BTG3: variants seen among roughly 807,000 people sequenced by gnomAD.
BTG3 encodes protein BTG3.
A neutral mutation model predicts 25.8 loss-of-function variants in BTG3; 4 were observed. That is an observed-to-expected ratio of 0.16 (90% CI 0.08 to 0.36). The LOEUF is 0.36. Ranked by LOEUF, BTG3 falls within the 10% of genes least tolerant of loss-of-function variation. BTG3 has a pLI of 1.00. For missense variants in BTG3, 201 were observed against 304.9 expected (o/e 0.66, Z 2.54); for synonymous variants, 107 against 99.9 (o/e 1.07, Z -0.42).
intron 3 of BTG3, among the ~76,000 whole-genome samples, chr21:17,604,454 A>G (rs2061613370): frequency 6.6e-6 from 1 of 152,188 alleles, no homozygotes; most frequent in African/African-American, 2.4e-5. Flanking sequence ...CCAAAAAAAA[A>G]GAGGAGAGAG....
At chr21:17,595,720 A>G (rs1462351292) in intron 4 of BTG3, among the ~76,000 whole-genome samples, 1 of 151,988 alleles carries the variant, frequency 6.6e-6, no homozygotes, top group Non-Finnish European at 1.5e-5. Context: ...GAACAAAACA[A>G]TGCTGCAATG....
At chr21:17,596,799 T>C (rs753943707) in intron 4 of BTG3, among the ~76,000 whole-genome samples, 1 of 152,260 alleles carries the variant, frequency 6.6e-6, no homozygotes. Context: ...TCATTGATAC[T>C]GAATTGGATC....
chr21:17,598,950 G>C, intron 3 of BTG3, 126 bp from the exon 4 acceptor site: 1 of 721,904 alleles, frequency 1.4e-6, no homozygotes, highest in Non-Finnish European at 2.2e-6. Context: ...CACAGAACTT[G>C]ACCCTACACA....
chr21:17,611,972 T>C, intron 1 of BTG3: 1 of 152,264 alleles, frequency 6.6e-6, no homozygotes, highest in Non-Finnish European at 1.5e-5. Flanking sequence ...CGGCCCGACC[T>C]CAGCGGCGCC....
At chr21:17,611,425 C>T (rs1198704035) in intron 1 of BTG3, among the ~76,000 whole-genome samples, 1 of 152,182 alleles carries the variant, frequency 6.6e-6, no homozygotes, top group Non-Finnish European at 1.5e-5. Flanking sequence ...AAGGAAAGAA[C>T]CACTTAGTGG....
intron 1 of BTG3, among the ~76,000 whole-genome samples, chr21:17,609,902 A>G (rs982867655): frequency 6.6e-6 from 1 of 152,256 alleles, no homozygotes; most frequent in African/African-American, 2.4e-5. Flanking sequence ...AGTATTCATA[A>G]TAGCTAAAAA....
At chr21:17,605,091 T>A in intron 2 of BTG3, 94 bp from the exon 3 acceptor site, 1 of 1,375,258 alleles carries the variant, frequency 7.3e-7, no homozygotes, top group Non-Finnish European at 9.8e-7. Flanking sequence ...AGTAATAAAA[T>A]AGTAATAAAA....
chr21:17,595,314 AATT>A (rs1428231461), intron 4 of BTG3, among the ~76,000 whole-genome samples: 4 of 152,030 alleles, frequency 2.6e-5, no homozygotes, highest in Non-Finnish European at 5.9e-5. Context: ...TTTTTAAAAA[AATT>A]ATATTGTGTA....
chr21:17,602,122 ACT>A (rs774320186), intron 3 of BTG3, among the ~76,000 whole-genome samples: 11 of 151,840 alleles, frequency 7.2e-5, no homozygotes, highest in Non-Finnish European at 1.0e-4. Flanking sequence ...AGTATTTAAC[ACT>A]CTATTGGGGG....
At chr21:17,607,787 C>A (rs922755983) in intron 2 of BTG3, among the ~76,000 whole-genome samples, 3 of 152,168 alleles carry the variant, frequency 2.0e-5, no homozygotes, top group African/African-American at 7.2e-5. Flanking sequence ...TTTTATTTCT[C>A]GTGGCCACAT....
chr21:17,606,478 T>C (rs889299803), intron 2 of BTG3, among the ~76,000 whole-genome samples: 1 of 152,188 alleles, frequency 6.6e-6, no homozygotes, highest in African/African-American at 2.4e-5. Flanking sequence ...TAGATTCTAA[T>C]ATTGTATAGG....
At chr21:17,608,038 A>C (rs2061668059) in intron 2 of BTG3, among the ~76,000 whole-genome samples, 1 of 152,238 alleles carries the variant, frequency 6.6e-6, no homozygotes, top group African/African-American at 2.4e-5. Flanking sequence ...CAGAAAGCCC[A>C]TGAAAACATG....
At chr21:17,597,085 G>A (rs1357847469) in intron 4 of BTG3, among the ~76,000 whole-genome samples, 1 of 152,058 alleles carries the variant, frequency 6.6e-6, no homozygotes, top group Non-Finnish European at 1.5e-5. Context: ...TTGCTAATGA[G>A]TATTAGGCCA....
chr21:17,601,937 T>C (rs987444570), intron 3 of BTG3, among the ~76,000 whole-genome samples: 3 of 152,230 alleles, frequency 2.0e-5, no homozygotes, highest in Non-Finnish European at 4.4e-5. Context: ...TATTTTGGTA[T>C]GAAGGCTCTC....
At chr21:17,599,817 T>C (rs936583359) in intron 3 of BTG3, among the ~76,000 whole-genome samples, 4 of 152,152 alleles carry the variant, frequency 2.6e-5, no homozygotes, top group Non-Finnish European at 5.9e-5. Flanking sequence ...ATGCTAGTAA[T>C]TCAAGTCACA....
At position 17,609,156 on chromosome 21, in the gene BTG3, C is replaced by A; in HGVS notation, c.-8-4G>T. ...ATTTCATTCTTCATTTTTTTCCCTGCAAAGATAAAACATGTTTTCTCAGAA... is the reference window on the plus strand; with the variant it reads ...ATTTCATTCTTCATTTTTTTCCCTGAAAAGATAAAACATGTTTTCTCAGAA... On this transcript the variant is annotated splice_polypyrimidine_tract_variant and splice_region_variant and intron_variant, in intron 1 of 4. Coordinates refer to ENST00000348354, the MANE Select transcript of BTG3 (RefSeq NM_006806.5). 6.2e-7 allele frequency: 1 copy of A among 1,604,148 alleles called. No homozygotes were observed. The highest frequency in any genetic ancestry group is 8.5e-7 in the Non-Finnish European group (1 of 1,177,516).
intron 3 of BTG3, chr21:17,604,293 A>C (rs2061610583): frequency 3.9e-6 from 1 of 254,888 alleles, no homozygotes; most frequent in African/African-American, 2.4e-5. Flanking sequence ...ATATAAAAAA[A>C]AATTAGCCGG....
chr21:17,594,370 A>T (rs1185756181), intron 4 of BTG3, 38 bp from the exon 5 acceptor site: 3 of 1,580,572 alleles, frequency 1.9e-6, no homozygotes, highest in Non-Finnish European at 1.7e-6. Flanking sequence ...ATTCAAAGGA[A>T]AAAATCATCA....
At chr21:17,598,562 A>C in intron 4 of BTG3, 55 bp downstream of exon 4, 1 of 1,481,072 alleles carries the variant, frequency 6.8e-7, no homozygotes, top group South Asian at 1.2e-5. Flanking sequence ...GACTACCTGA[A>C]AGGTCCTGGC....
Sources: allele counts gnomAD v4.1 joint callset (sites outside exome capture counted in the v4.1 genomes callset), GRCh38; gene constraint gnomAD v4.1.1; transcripts MANE v1.5; gene names NCBI Gene and HGNC (gene_info 2026-07-23, HGNC 2026-07-21).